The following CPLX1 variants were observed in gnomAD, a reference collection of about 807,000 sequenced individuals.
CPLX1 encodes complexin 1.
In CPLX1, 6 loss-of-function variants were observed where a neutral mutation model predicts 15.6. That is an observed-to-expected ratio of 0.39 (90% CI 0.21 to 0.76). The LOEUF (loss-of-function observed/expected upper bound fraction) is 0.76, where lower values mean the gene tolerates loss of function less well. Ranked by LOEUF, CPLX1 falls within the 30% of genes least tolerant of loss-of-function variation. CPLX1 has a pLI of 0.43. For missense variants in CPLX1, 242 were observed against 188.6 expected, an observed-to-expected ratio of 1.28 and a Z score of -1.66; for synonymous variants, 91 against 75.2, an observed-to-expected ratio of 1.21 and a Z score of -1.08.
intron 2 of CPLX1, among the ~76,000 whole-genome samples, chr4:821,413 C>T (rs1746860394): frequency 6.6e-6 from 1 of 152,204 alleles, no homozygotes; most frequent in South Asian, 2.1e-4. Flanking sequence ...CCTGAAGCCC[C>T]GGCCCGCCTG....
Position 785,527 on chromosome 4 carries a change from T to G in CPLX1, c.*974A>C, listed in dbSNP as rs1224664645. The G allele has an allele frequency of 6.6e-6, 1 of 152,498 alleles. No homozygotes were observed. Among genetic ancestry groups the G allele is most frequent in the Non-Finnish European group, 1.5e-5 (1 of 68,036 alleles). 9.4% of individuals were successfully genotyped at this position (152,498 alleles called of 1,614,324 possible). On this transcript the variant is annotated 3_prime_UTR_variant, in exon 4 of 4. Transcript: ENST00000304062. ...GAGATTCAACAAATTGTGATGCAAA[T>G]TAAACATGAATGGAGGAGAAACAGG... is the stretch of plus-strand genomic sequence containing the variant.
intron 3 of CPLX1, chr4:787,201 C>G (rs1433572436): frequency 2.0e-6 from 2 of 985,186 alleles, no homozygotes; most frequent in African/African-American, 3.5e-5. Flanking sequence ...CAGGGCCACT[C>G]CCTGGCAGGC....
intron 3 of CPLX1, chr4:788,429 G>A (rs1746066511): frequency 1.0e-6 from 1 of 985,276 alleles, no homozygotes; most frequent in African/African-American, 1.7e-5. Context: ...GGCCACTGAG[G>A]AGAGAGGGGC....
intron 2 of CPLX1, among the ~76,000 whole-genome samples, chr4:793,313 T>A (rs947790861): frequency 6.6e-6 from 1 of 151,378 alleles, no homozygotes; most frequent in Non-Finnish European, 1.5e-5. Flanking sequence ...GGAGCTGGCA[T>A]GGGGGTTGGC....
At chr4:790,875 C>T (rs978943453) in intron 3 of CPLX1, among the ~76,000 whole-genome samples, 1 of 151,866 alleles carries the variant, frequency 6.6e-6, no homozygotes, top group Admixed American at 6.6e-5. Context: ...GCTGTCTCTC[C>T]CTCTCTCTGT....
chr4:822,180 G>A (rs558453174), intron 2 of CPLX1, among the ~76,000 whole-genome samples: 15 of 148,714 alleles, frequency 1.0e-4, no homozygotes, highest in East Asian at 9.9e-4. Flanking sequence ...CCCCATCTCT[G>A]TCTCTCCCTC....
At chr4:805,816 T>C (rs1362019533) in intron 2 of CPLX1, among the ~76,000 whole-genome samples, 2 of 152,204 alleles carry the variant, frequency 1.3e-5, no homozygotes, top group African/African-American at 4.8e-5. Flanking sequence ...TGGATGAACC[T>C]TGAGGACACT....
At chr4:817,407 A>AT (rs1491086821) in intron 2 of CPLX1, among the ~76,000 whole-genome samples, 1 of 151,368 alleles carries the variant, frequency 6.6e-6, no homozygotes, top group Non-Finnish European at 1.5e-5. Flanking sequence ...AAAAAAAAAA[A>AT]ATTAGCCAGG....
At chr4:802,234 G>A (rs1746473110) in intron 2 of CPLX1, among the ~76,000 whole-genome samples, 1 of 152,222 alleles carries the variant, frequency 6.6e-6, no homozygotes, top group South Asian at 2.1e-4. Context: ...CAGATGAATT[G>A]CTGATACACC....
chr4:811,325 T>A (rs1331352617), intron 2 of CPLX1, among the ~76,000 whole-genome samples: 1 of 152,110 alleles, frequency 6.6e-6, no homozygotes, highest in South Asian at 2.1e-4. Context: ...TTTTTATTTT[T>A]CATAGAGATG....
In CPLX1 at chr4:787,620, CG is replaced by C. The variant is rs1746040555; in HGVS notation, c.208-923del. 10 of 935,062 alleles carry C rather than the reference CG, an allele frequency of 1.1e-5. No homozygotes were observed. The South Asian group carries it at 2.0e-4, about 18-fold the overall frequency. The allele number at this position is 935,062 out of a possible 1,614,324, so 57.9% of individuals were successfully genotyped here. On this transcript the variant is annotated intron_variant, in intron 3 of 3. Coordinates refer to ENST00000304062, the MANE Select transcript of CPLX1 (RefSeq NM_006651.4). ...GAGTGGTCAAGAAACACCAGGGATT[CG>C]GGGCCGCCAGACGCAGGAAGGGGCA...
intron 2 of CPLX1, among the ~76,000 whole-genome samples, chr4:804,090 G>A (rs112996197): frequency 5.3e-5 from 8 of 152,354 alleles, no homozygotes; most frequent in African/African-American, 1.9e-4. Context: ...TGCACCACAC[G>A]GCCTGGGCGT....
rs1300716150 is a variant in CPLX1 at position 785,499 on chromosome 4, C to G, written c.*1002G>C. 1 of 152,576 alleles carries G rather than the reference C, an allele frequency of 6.6e-6. No homozygotes were observed. Among genetic ancestry groups the G allele is most frequent in the African/African-American group, 2.4e-5 (1 of 41,458 alleles). 9.5% of individuals were successfully genotyped at this position (152,576 alleles called of 1,614,324 possible). A position where few individuals can be genotyped will look rare whatever the true frequency, so the allele number is the denominator to read the frequency against. ...TCATTAAATGCAAAGACCTCATTTA[C>G]CTGAGATTCAACAAATTGTGATGCA... On this transcript the variant is annotated 3_prime_UTR_variant, in exon 4 of 4. Coordinates refer to ENST00000304062, the MANE Select transcript of CPLX1 (RefSeq NM_006651.4).
At chr4:800,300 C>T (rs1277361097) in intron 2 of CPLX1, among the ~76,000 whole-genome samples, 2 of 152,076 alleles carry the variant, frequency 1.3e-5, no homozygotes, top group Admixed American at 6.6e-5. Context: ...TGAAAAGGTA[C>T]ACCACAGGCT....
chr4:812,681 A>C (rs748872343), intron 2 of CPLX1, among the ~76,000 whole-genome samples: 30 of 151,956 alleles, frequency 2.0e-4, no homozygotes, highest in Non-Finnish European at 2.9e-4. Flanking sequence ...GAATATACTT[A>C]GGGGCCAGGC....
chr4:804,831 G>A lies in CPLX1; in HGVS notation c.32-12223C>T, dbSNP rs938469048. 22 of 984,962 alleles carry A rather than the reference G, an allele frequency of 2.2e-5. No individual in the cohort carries two copies. The Admixed American group carries it at 2.5e-4, about 11-fold the overall frequency. 61.0% of individuals were successfully genotyped at this position (984,962 alleles called of 1,614,324 possible). ...GTCGTCAGCCTGGAGGCCGGCAAGC[G>A]TGGGGAGCGACGTGCTCAGCCTCCA... On this transcript the variant is annotated intron_variant, in intron 2 of 3. Coordinates refer to ENST00000304062, the MANE Select transcript of CPLX1 (RefSeq NM_006651.4).
chr4:816,287 C>T (rs1746754991), intron 2 of CPLX1, among the ~76,000 whole-genome samples: 1 of 145,108 alleles, frequency 6.9e-6, no homozygotes, highest in African/African-American at 2.6e-5. Context: ...GGTGCAGTCT[C>T]GGCTCACTGC....
chr4:808,320 G>A (rs1387178621), intron 2 of CPLX1, among the ~76,000 whole-genome samples: 3 of 152,022 alleles, frequency 2.0e-5, no homozygotes, highest in East Asian at 1.9e-4. Flanking sequence ...AACAACAAAC[G>A]AGTTGGAAAA....
chr4:822,721 A>G (rs1560248348), intron 2 of CPLX1, among the ~76,000 whole-genome samples: 1 of 151,522 alleles, frequency 6.6e-6, no homozygotes, highest in Non-Finnish European at 1.5e-5. Flanking sequence ...CCCATTTCCC[A>G]TCTCTGTCTT....
Sources: allele counts gnomAD v4.1 joint callset (sites outside exome capture counted in the v4.1 genomes callset), GRCh38; gene constraint gnomAD v4.1.1; transcripts MANE v1.5; gene names NCBI Gene and HGNC (gene_info 2026-07-23, HGNC 2026-07-21).